ZZZ3: variants seen among roughly 807,000 people sequenced by gnomAD.
The protein encoded by ZZZ3 is zinc finger ZZ-type containing 3.
ZZZ3 carries 22 observed loss-of-function variants against 95.2 expected under a neutral mutation model. The ratio of observed to expected loss-of-function variants is 0.23; its 90% CI spans 0.17 to 0.33. The LOEUF (loss-of-function observed/expected upper bound fraction) is 0.33. ZZZ3 is among the 10% of genes least tolerant of loss of function. The pLI is 1.00. For synonymous variants in ZZZ3, 335 were observed against 358.9 expected, an observed-to-expected ratio of 0.93 and a Z score of 0.75; for missense variants, 885 against 1,066.5, an observed-to-expected ratio of 0.83 and a Z score of 2.37.
At chr1:77,667,763 CTTTTTTTTT>C (rs34939314) in intron 1 of ZZZ3, among the ~76,000 whole-genome samples, 1 of 115,110 alleles carries the variant, frequency 8.7e-6, no homozygotes. Context: ...AATGGGTATT[CTTTTTTTTT>C]TTTTTTTTTT....
At chr1:77,619,530 CTA>C in intron 5 of ZZZ3, among the ~76,000 whole-genome samples, 1 of 152,132 alleles carries the variant, frequency 6.6e-6, no homozygotes, top group African/African-American at 2.4e-5. Flanking sequence ...CTGTAGGCTT[CTA>C]ATGCCTACTG....
At chr1:77,628,329 G>A (rs921144455) in intron 5 of ZZZ3, among the ~76,000 whole-genome samples, 1 of 152,196 alleles carries the variant, frequency 6.6e-6, no homozygotes, top group African/African-American at 2.4e-5. Flanking sequence ...CAGAAGGCAT[G>A]TCTAATAAAA....
At chr1:77,682,928 CT>C (rs1311482205), upstream of ZZZ3, among the ~76,000 whole-genome samples, 1 of 152,220 alleles carries the variant, frequency 6.6e-6, no homozygotes, top group Admixed American at 6.5e-5. Context: ...GCGCAGTGCG[CT>C]GCCCCAGGCA....
chr1:77,572,226 C>A (rs960935207), intron 12 of ZZZ3, among the ~76,000 whole-genome samples: 1 of 152,208 alleles, frequency 6.6e-6, no homozygotes, highest in African/African-American at 2.4e-5. Flanking sequence ...ATAAACTCAA[C>A]AACAACAAAA....
chr1:77,577,483 T>C (rs1190085932), intron 11 of ZZZ3, among the ~76,000 whole-genome samples: 8 of 152,176 alleles, frequency 5.3e-5, no homozygotes, highest in Admixed American at 1.3e-4. Flanking sequence ...TTTAAAACAA[T>C]TGGCAAATTA....
intron 5 of ZZZ3, among the ~76,000 whole-genome samples, chr1:77,621,709 T>C (rs1190506607): frequency 1.3e-5 from 2 of 151,148 alleles, no homozygotes; most frequent in African/African-American, 2.4e-5. Flanking sequence ...CCCAGCTACT[T>C]GGGAAGCCAA....
chr1:77,651,573 G>C (rs780285185), intron 1 of ZZZ3, among the ~76,000 whole-genome samples: 4 of 152,108 alleles, frequency 2.6e-5, no homozygotes, highest in Non-Finnish European at 5.9e-5. Flanking sequence ...TGGTTGCCAG[G>C]GACTAAGGGA....
chr1:77,666,608 C>G (rs1557777506), intron 1 of ZZZ3, among the ~76,000 whole-genome samples: 1 of 152,072 alleles, frequency 6.6e-6, no homozygotes, highest in African/African-American at 2.4e-5. Context: ...AAATCTCGCT[C>G]AATAAATAAA....
chr1:77,671,023 G>T (rs181805044), intron 1 of ZZZ3, among the ~76,000 whole-genome samples: 1 of 148,524 alleles, frequency 6.7e-6, no homozygotes, highest in East Asian at 2.0e-4. Context: ...GGTGGTGGGG[G>T]TTGTTTTTTT....
chr1:77,596,038 A>T (rs1664183318), intron 5 of ZZZ3, among the ~76,000 whole-genome samples: 1 of 152,048 alleles, frequency 6.6e-6, no homozygotes, highest in South Asian at 2.1e-4. Flanking sequence ...CCAAGTAAAG[A>T]ATTTCTGTTA....
intron 5 of ZZZ3, among the ~76,000 whole-genome samples, chr1:77,613,153 A>G (rs1193585818): frequency 2.6e-5 from 4 of 152,196 alleles, no homozygotes; most frequent in Middle Eastern, 6.8e-3. Context: ...TCAGTAAATC[A>G]TTTAAGACAT....
chr1:77,658,419 G>A (rs1040679529), intron 1 of ZZZ3, among the ~76,000 whole-genome samples: 2 of 151,782 alleles, frequency 1.3e-5, no homozygotes, highest in Non-Finnish European at 2.9e-5. Flanking sequence ...ACTGTTCACT[G>A]CAGCCTTGAT....
At chr1:77,594,584 T>C (rs946655128) in intron 5 of ZZZ3, among the ~76,000 whole-genome samples, 17 of 152,072 alleles carry the variant, frequency 1.1e-4, no homozygotes, top group Non-Finnish European at 1.9e-4. Context: ...AGTTCAGATA[T>C]AGTTCTAGAC....
chr1:77,591,110 A>C (rs1663643540), intron 5 of ZZZ3, among the ~76,000 whole-genome samples: 1 of 152,240 alleles, frequency 6.6e-6, no homozygotes, highest in Non-Finnish European at 1.5e-5. Context: ...GAGCCTCATT[A>C]AACATACTGA....
At chr1:77,643,577 T>C (rs1668976831) in intron 1 of ZZZ3, among the ~76,000 whole-genome samples, 4 of 152,220 alleles carry the variant, frequency 2.6e-5, no homozygotes, top group South Asian at 4.1e-4. Context: ...ATAAAATTCA[T>C]TGACTATTCA....
At chr1:77,647,886 C>G (rs940486801) in intron 1 of ZZZ3, among the ~76,000 whole-genome samples, 1 of 152,072 alleles carries the variant, frequency 6.6e-6, no homozygotes, top group Non-Finnish European at 1.5e-5. Flanking sequence ...AAACTGAGCT[C>G]TAGACTAAAG....
chr1:77,565,037 C>A lies in ZZZ3; in HGVS notation c.*603G>T, dbSNP rs969355700. On this transcript the variant is annotated 3_prime_UTR_variant, in exon 15 of 15. Transcript: ENST00000370801. ...TAAGGAAGCAATGCCACAGTTGCCTCCTGTAGTGCTTCACTGTTGGTAATT... is the reference window on the plus strand; with the variant it reads ...TAAGGAAGCAATGCCACAGTTGCCTACTGTAGTGCTTCACTGTTGGTAATT... 1.3e-5 allele frequency: 2 copies of A among 152,576 alleles called. No individual in the cohort carries two copies. The highest frequency in any genetic ancestry group is 2.4e-5 in the African/African-American group (1 of 41,394). The allele number at this position is 152,576 out of a possible 1,614,324, so 9.5% of individuals were successfully genotyped here. A position where few individuals can be genotyped will look rare whatever the true frequency, so the allele number is the denominator to read the frequency against.
Position 77,632,981 on chromosome 1 carries a change from G to A in ZZZ3, c.374C>T (p.Ser125Phe), listed in dbSNP as rs1228391929. ...TTCTTCTGAACTGTTTGGTGCTTCA[G>A]ATCTAAGACAACGCTTAATTCTTTT... Reference protein sequence around the residue: ...VLKRIKRCLRSEAPNSSEEDS... With the variant: ...VLKRIKRCLRFEAPNSSEEDS... The change falls in exon 5 of 15, where the codon TCT becomes TTT. Residue 125 changes from serine (S) to phenylalanine (F), a missense_variant. By Grantham distance (155) the Ser-to-Phe change is radical. This residue lies in a region of ZZZ3 where 556 missense variants were observed against 652.9 expected (regional missense o/e 0.85). Transcript: ENST00000370801. The A allele has an allele frequency of 3.1e-6, 5 of 1,614,074 alleles. No homozygotes were observed. The highest frequency in any genetic ancestry group is 4.2e-6 in the Non-Finnish European group (5 of 1,180,026).
intron 1 of ZZZ3, among the ~76,000 whole-genome samples, chr1:77,647,437 T>C (rs1669388457): frequency 6.6e-6 from 1 of 151,674 alleles, no homozygotes; most frequent in African/African-American, 2.4e-5. Flanking sequence ...GAGAATCGCT[T>C]AAACCCGGGA....
Sources: allele counts gnomAD v4.1 joint callset (sites outside exome capture counted in the v4.1 genomes callset), GRCh38; gene constraint gnomAD v4.1.1; regional missense constraint gnomAD v4.1.1; transcripts MANE v1.5; gene names NCBI Gene and HGNC (gene_info 2026-07-23, HGNC 2026-07-21).